The following PTPRD variants were observed in gnomAD, a reference collection of about 807,000 sequenced individuals.
The protein encoded by PTPRD is protein tyrosine phosphatase receptor type D, also known as receptor-type tyrosine-protein phosphatase delta.
In PTPRD, 34 loss-of-function variants were observed where a neutral mutation model predicts 214.5. The observed-to-expected ratio is 0.16, with a 90% CI of 0.12 to 0.21. The LOEUF is 0.21. Ranked by LOEUF, PTPRD falls within the 10% of genes least tolerant of loss-of-function variation. The probability of loss-of-function intolerance (pLI) is 1.00; values close to 1 mark genes in which losing one functional copy is unlikely to be tolerated. For synonymous variants in PTPRD, 1,128 were observed against 845.7 expected (o/e 1.33, Z -5.79); for missense variants, 2,545 against 2,398.7 (o/e 1.06, Z -1.27).
chr9:9,953,156 T>A (rs1465542939), intron 4 of PTPRD, among the ~76,000 whole-genome samples: 1 of 152,180 alleles, frequency 6.6e-6, no homozygotes, highest in Non-Finnish European at 1.5e-5. Context: ...ATTCTGTGTG[T>A]CAACTTTCCT....
At chr9:9,217,813 G>T (rs995212807) in intron 9 of PTPRD, among the ~76,000 whole-genome samples, 1 of 152,048 alleles carries the variant, frequency 6.6e-6, no homozygotes, top group African/African-American at 2.4e-5. Context: ...CATTTGTCCA[G>T]TATTATCTTG....
intron 14 of PTPRD, among the ~76,000 whole-genome samples, chr9:8,564,814 G>A (rs1001408324): frequency 6.6e-6 from 1 of 152,114 alleles, no homozygotes; most frequent in Non-Finnish European, 1.5e-5. Flanking sequence ...TGGTGGGTTG[G>A]TGTGCATTCA....
At chr9:9,486,358 T>G (rs1182398724) in intron 8 of PTPRD, among the ~76,000 whole-genome samples, 1 of 151,922 alleles carries the variant, frequency 6.6e-6, no homozygotes, top group African/African-American at 2.4e-5. Flanking sequence ...CAAATACTAT[T>G]CCCAAGGCAA....
chr9:10,465,998 G>T (rs771682861), intron 2 of PTPRD, among the ~76,000 whole-genome samples: 1 of 152,094 alleles, frequency 6.6e-6, no homozygotes, highest in African/African-American at 2.4e-5. Context: ...TATGATTACC[G>T]ATTGAAAAAC....
intron 3 of PTPRD, among the ~76,000 whole-genome samples, chr9:10,287,842 C>T (rs1159683478): frequency 6.6e-6 from 1 of 152,024 alleles, no homozygotes; most frequent in Non-Finnish European, 1.5e-5. Context: ...CGTTCCAGAG[C>T]GATTCTTCAG....
chr9:8,907,862 A>C (rs1201987197), intron 11 of PTPRD, among the ~76,000 whole-genome samples: 1 of 152,100 alleles, frequency 6.6e-6, no homozygotes, highest in Non-Finnish European at 1.5e-5. Context: ...CCAGAAGAAA[A>C]ATACATAAAA....
At chr9:8,812,944 G>T (rs1341453639) in intron 11 of PTPRD, among the ~76,000 whole-genome samples, 1 of 151,922 alleles carries the variant, frequency 6.6e-6, no homozygotes, top group African/African-American at 2.4e-5. Flanking sequence ...AGTAGATCAA[G>T]GGAAGAAGCA....
chr9:9,497,728 G>A (rs1473955568), intron 8 of PTPRD, among the ~76,000 whole-genome samples: 1 of 151,990 alleles, frequency 6.6e-6, no homozygotes, highest in Non-Finnish European at 1.5e-5. Context: ...CCACTCAAAT[G>A]TGTAGCACAG....
At chr9:9,792,963 A>G (rs1229538035) in intron 5 of PTPRD, among the ~76,000 whole-genome samples, 2 of 152,138 alleles carry the variant, frequency 1.3e-5, no homozygotes, top group Non-Finnish European at 2.9e-5. Flanking sequence ...AGGTATTTTG[A>G]ATAATCAACA....
intron 2 of PTPRD, among the ~76,000 whole-genome samples, chr9:10,563,622 CCT>C (rs1281243620): frequency 1.3e-5 from 2 of 151,654 alleles, no homozygotes; most frequent in Non-Finnish European, 2.9e-5. Flanking sequence ...GCTTAAATAC[CCT>C]GTCATTGAAA....
chr9:9,203,501 CCTCTAT>C (rs1396037788), intron 9 of PTPRD, among the ~76,000 whole-genome samples: 1 of 152,130 alleles, frequency 6.6e-6, no homozygotes, highest in Non-Finnish European at 1.5e-5. Flanking sequence ...TCTTCCTCTC[CCTCTAT>C]AAGTCATTAA....
chr9:9,924,422 A>C (rs903231216), intron 5 of PTPRD, among the ~76,000 whole-genome samples: 4 of 152,062 alleles, frequency 2.6e-5, no homozygotes. Flanking sequence ...TCTTAATATA[A>C]TACTATTTGA....
intron 15 of PTPRD, 115 bp downstream of exon 15, chr9:8,528,476 G>C (rs769233430): frequency 3.7e-5 from 34 of 922,974 alleles, no homozygotes; most frequent in Non-Finnish European, 5.2e-5. Context: ...AAAGAGAAGA[G>C]GGAGAAAAAT....
At position 8,484,362 on chromosome 9, in the gene PTPRD, C is replaced by G. The variant is rs747861210; in HGVS notation, c.3170G>C (p.Gly1057Ala). 1.3e-5 allele frequency: 21 copies of G among 1,613,566 alleles called. No homozygotes were observed. Among genetic ancestry groups the G allele is most frequent in the Non-Finnish European group, 3.4e-6 (4 of 1,179,736 alleles). The change falls in exon 30 of 46, where the codon GGG becomes GCG. Residue 1057 changes from glycine to alanine, a missense_variant. Physicochemically the swap from Gly to Ala is moderately conservative, Grantham distance 60. Transcript: ENST00000381196. ...AMPFKILYDDGKMVEEVDGRA... is the reference protein window; with the variant it reads ...AMPFKILYDDAKMVEEVDGRA... Reference sequence around the variant, plus strand: ...GCCATCCACTTCTTCTACCATTTTCCCATCATCATAAAGAATCTAAAGAGA... The same window carrying G: ...GCCATCCACTTCTTCTACCATTTTCGCATCATCATAAAGAATCTAAAGAGA...
intron 4 of PTPRD, among the ~76,000 whole-genome samples, chr9:9,956,491 GATT>G (rs2093942139): frequency 6.6e-6 from 1 of 152,134 alleles, no homozygotes; most frequent in South Asian, 2.1e-4. Flanking sequence ...AAAATAAGTG[GATT>G]ATGTTTCAAG....
At chr9:9,346,742 G>C (rs544229209) in intron 9 of PTPRD, among the ~76,000 whole-genome samples, 5 of 151,966 alleles carry the variant, frequency 3.3e-5, no homozygotes, top group Admixed American at 2.6e-4. Context: ...GCCCAGGCTG[G>C]AGTGCAATGG....
chr9:8,754,475 A>G (rs2093809336), intron 11 of PTPRD, among the ~76,000 whole-genome samples: 1 of 152,208 alleles, frequency 6.6e-6, no homozygotes, highest in Non-Finnish European at 1.5e-5. Flanking sequence ...GATGATTTAT[A>G]CACAGCTATG....
At chr9:9,232,089 G>T (rs1267084425) in intron 9 of PTPRD, among the ~76,000 whole-genome samples, 2 of 152,136 alleles carry the variant, frequency 1.3e-5, no homozygotes, top group African/African-American at 2.4e-5. Flanking sequence ...ATGTTATTGT[G>T]CAGGGGAACA....
intron 4 of PTPRD, among the ~76,000 whole-genome samples, chr9:10,010,113 GTAT>G (rs1019765476): frequency 1.3e-5 from 2 of 151,756 alleles, no homozygotes; most frequent in Non-Finnish European, 2.9e-5. Context: ...TAATCGGTTG[GTAT>G]TATTATCTTC....
Sources: gnomAD v4.1 joint callset for allele counts (sites outside exome capture counted in the v4.1 genomes callset) on GRCh38, gnomAD v4.1.1 for gene constraint, MANE v1.5 for transcripts, NCBI Gene and HGNC (gene_info 2026-07-23, HGNC 2026-07-21) for gene names.